NKAIN2: variants seen among roughly 807,000 people sequenced by gnomAD.
NKAIN2 encodes sodium/potassium transporting ATPase interacting 2.
NKAIN2 carries 14 observed loss-of-function variants against 32.6 expected under a neutral mutation model. The ratio of observed to expected loss-of-function variants is 0.43; its 90% CI spans 0.28 to 0.67. NKAIN2 has a LOEUF of 0.67. Ranked by LOEUF, NKAIN2 falls within the 30% of genes least tolerant of loss-of-function variation. The probability of loss-of-function intolerance (pLI) is 0.17; values close to 1 mark genes in which losing one functional copy is unlikely to be tolerated. For missense variants in NKAIN2, 198 were observed against 258.3 expected (o/e 0.77, Z 1.60); for synonymous variants, 80 against 87.2 (o/e 0.92, Z 0.46).
chr6:123,875,331 G>A (rs1773122722), intron 1 of NKAIN2, among the ~76,000 whole-genome samples: 1 of 151,890 alleles, frequency 6.6e-6, no homozygotes, highest in Admixed American at 6.6e-5. Context: ...ATAAAAGTAT[G>A]ATATGCCTTG....
intron 3 of NKAIN2, among the ~76,000 whole-genome samples, chr6:124,652,623 G>T (rs1478295157): frequency 6.6e-6 from 1 of 152,118 alleles, no homozygotes. Flanking sequence ...TCACAATTCT[G>T]GAGGCTGGGC....
At chr6:124,366,554 G>A (rs963370198) in intron 3 of NKAIN2, among the ~76,000 whole-genome samples, 3 of 152,048 alleles carry the variant, frequency 2.0e-5, no homozygotes, top group Non-Finnish European at 2.9e-5. Flanking sequence ...TAAGAATACA[G>A]CAGAAGTGCC....
intron 1 of NKAIN2, among the ~76,000 whole-genome samples, chr6:124,145,416 G>A (rs1032081603): frequency 2.6e-5 from 4 of 152,172 alleles, no homozygotes; most frequent in Non-Finnish European, 4.4e-5. Flanking sequence ...ATACTATTTA[G>A]CAATGCAAAA....
intron 1 of NKAIN2, among the ~76,000 whole-genome samples, chr6:124,045,703 G>A (rs527449625): frequency 8.6e-4 from 131 of 152,056 alleles, no homozygotes; most frequent in African/African-American, 2.9e-3. Flanking sequence ...ATGTGTTTCA[G>A]TTTATTCTAA....
rs753505485 is a variant in NKAIN2 at position 124,791,347 on chromosome 6, T to C, written c.483T>C (p.Gly161=). ...TCTCTGTTTTGTTTCAGCTGGCAGG[T>C]TTCATCTACGCCTGTTATGTTGTGA... The part of the protein sequence containing the change: ...SSLQIVLALA[G]FIYACYVVKC... The change falls in exon 5 of 7, where the codon GGT becomes GGC. Residue 161 remains glycine (G), a synonymous_variant. Coordinates refer to ENST00000368417, the MANE Select transcript of NKAIN2 (RefSeq NM_001040214.3). 5 of 1,608,974 alleles carry C rather than the reference T, an allele frequency of 3.1e-6. No homozygotes were observed. The African/African-American group carries it at 6.7e-5, about 22-fold the overall frequency.
intron 2 of NKAIN2, among the ~76,000 whole-genome samples, chr6:124,331,219 C>T (rs1315412038): frequency 1.3e-5 from 2 of 151,410 alleles, no homozygotes; most frequent in African/African-American, 2.4e-5. Context: ...AAACAAAAAT[C>T]GGCCGGGCAC....
chr6:123,900,048 G>A (rs1774483881), intron 1 of NKAIN2, among the ~76,000 whole-genome samples: 1 of 152,184 alleles, frequency 6.6e-6, no homozygotes, highest in Non-Finnish European at 1.5e-5. Context: ...CCCTCTCACA[G>A]TGCTAGGTGT....
At chr6:123,921,489 A>G (rs917686635) in intron 1 of NKAIN2, among the ~76,000 whole-genome samples, 13 of 152,272 alleles carry the variant, frequency 8.5e-5, no homozygotes, top group African/African-American at 2.4e-4. Context: ...CAGATGTTCA[A>G]TGTATCTAAC....
chr6:123,952,811 G>A (rs796371611), intron 1 of NKAIN2, among the ~76,000 whole-genome samples: 13 of 151,150 alleles, frequency 8.6e-5, no homozygotes, highest in African/African-American at 2.9e-4. Flanking sequence ...TTTTTGTATT[G>A]TTCTCTGATA....
At chr6:124,798,654 G>T (rs965004193) in intron 5 of NKAIN2, among the ~76,000 whole-genome samples, 1 of 151,994 alleles carries the variant, frequency 6.6e-6, no homozygotes, top group East Asian at 1.9e-4. Context: ...ATTTAATATC[G>T]ATTTGTTCTG....
chr6:124,596,666 GTGT>G (rs1562275977), intron 3 of NKAIN2, among the ~76,000 whole-genome samples: 7 of 84,484 alleles, frequency 8.3e-5, no homozygotes, highest in East Asian at 6.6e-4. Context: ...ACCATAGGGT[GTGT>G]GTGTGTGTGT....
At chr6:124,148,970 G>C (rs1249146330) in intron 1 of NKAIN2, among the ~76,000 whole-genome samples, 1 of 152,078 alleles carries the variant, frequency 6.6e-6, no homozygotes, top group Non-Finnish European at 1.5e-5. Flanking sequence ...ACCAACACTT[G>C]TTATTGTCTT....
intron 4 of NKAIN2, among the ~76,000 whole-genome samples, chr6:124,712,675 C>T (rs1179642811): frequency 1.3e-5 from 2 of 151,748 alleles, no homozygotes; most frequent in East Asian, 1.9e-4. Context: ...CCTGCTTCGG[C>T]TCGTGCACGG....
intron 1 of NKAIN2, among the ~76,000 whole-genome samples, chr6:123,857,630 C>G (rs1775606402): frequency 6.6e-6 from 1 of 152,092 alleles, no homozygotes; most frequent in African/African-American, 2.4e-5. Flanking sequence ...ACTTTTTATT[C>G]TCAGAAATTC....
At chr6:124,759,816 TAGTAAA>T (rs776054054) in intron 4 of NKAIN2, among the ~76,000 whole-genome samples, 1 of 151,738 alleles carries the variant, frequency 6.6e-6, no homozygotes, top group Admixed American at 6.6e-5. Flanking sequence ...GAAAGCATGA[TAGTAAA>T]AGTAAAATAG....
intron 4 of NKAIN2, among the ~76,000 whole-genome samples, chr6:124,742,073 C>A (rs995232518): frequency 6.6e-6 from 1 of 151,844 alleles, no homozygotes; most frequent in African/African-American, 2.4e-5. Flanking sequence ...CATAGCCACC[C>A]ATAACATGCA....
At chr6:124,397,459 C>A (rs1357768994) in intron 3 of NKAIN2, among the ~76,000 whole-genome samples, 11 of 151,686 alleles carry the variant, frequency 7.3e-5, no homozygotes, top group African/African-American at 2.7e-4. Flanking sequence ...TACCATTGGG[C>A]TGTTTTACCT....
intron 1 of NKAIN2, among the ~76,000 whole-genome samples, chr6:123,847,642 T>C (rs890646292): frequency 1.3e-5 from 2 of 152,176 alleles, no homozygotes; most frequent in African/African-American, 4.8e-5. Context: ...GGATCCCATT[T>C]GTGAGAATAA....
intron 1 of NKAIN2, among the ~76,000 whole-genome samples, chr6:124,173,980 T>C (rs1789029391): frequency 6.6e-6 from 1 of 152,144 alleles, no homozygotes; most frequent in South Asian, 2.1e-4. Context: ...TTTACATTCA[T>C]GTATAGCATG....
Sources: allele counts gnomAD v4.1 joint callset (sites outside exome capture counted in the v4.1 genomes callset), GRCh38; gene constraint gnomAD v4.1.1; transcripts MANE v1.5; gene names NCBI Gene and HGNC (gene_info 2026-07-23, HGNC 2026-07-21).